MYOF: variants seen among roughly 807,000 people sequenced by gnomAD.
MYOF encodes the protein myoferlin.
In MYOF, 244 loss-of-function variants were observed where a neutral mutation model predicts 284.2. The observed-to-expected ratio is 0.86, with a 90% CI of 0.77 to 0.95. MYOF has a LOEUF of 0.95. MYOF is among the 40% of genes least tolerant of loss of function. The probability of loss-of-function intolerance (pLI) is 0.00; values close to 1 mark genes in which losing one functional copy is unlikely to be tolerated. For missense variants in MYOF, 2,496 were observed against 2,560.6 expected (o/e 0.97, Z 0.54); for synonymous variants, 904 against 919.7 (o/e 0.98, Z 0.31).
At chr10:93,334,313 T>C (rs1843495477) in intron 41 of MYOF, among the ~76,000 whole-genome samples, 1 of 151,438 alleles carries the variant, frequency 6.6e-6, no homozygotes, top group South Asian at 2.1e-4. Flanking sequence ...CACCTCCCAC[T>C]CCCAGGCAAA....
At chr10:93,458,259 G>T (rs1327841550) in intron 1 of MYOF, among the ~76,000 whole-genome samples, 1 of 151,940 alleles carries the variant, frequency 6.6e-6, no homozygotes, top group African/African-American at 2.4e-5. Flanking sequence ...AGGCTGAGGT[G>T]GGAGGATCCC....
chr10:93,346,623 A>G (rs1844194831), intron 37 of MYOF, among the ~76,000 whole-genome samples: 1 of 152,254 alleles, frequency 6.6e-6, no homozygotes, highest in Non-Finnish European at 1.5e-5. Flanking sequence ...TCTATCATTT[A>G]CATATTAATT....
At chr10:93,405,862 A>G (rs1847539356) in intron 7 of MYOF, among the ~76,000 whole-genome samples, 1 of 144,532 alleles carries the variant, frequency 6.9e-6, no homozygotes, top group African/African-American at 2.6e-5. Context: ...CAGTGGCACG[A>G]TCTTGGCTCA....
intron 50 of MYOF, among the ~76,000 whole-genome samples, chr10:93,314,876 C>A (rs767421390): frequency 0.023 from 3,508 of 152,170 alleles, 60 homozygotes; most frequent in Non-Finnish European, 0.037. Flanking sequence ...TGGCAAAACC[C>A]TGTCTCTACA....
intron 27 of MYOF, among the ~76,000 whole-genome samples, chr10:93,363,151 A>G (rs547118388): frequency 6.6e-6 from 1 of 152,248 alleles, no homozygotes; most frequent in Non-Finnish European, 1.5e-5. Context: ...AAAATGTCCA[A>G]GATATATTGT....
At chr10:93,378,693 G>GCATATATATATA in intron 21 of MYOF, among the ~76,000 whole-genome samples, 1 of 87,894 alleles carries the variant, frequency 1.1e-5, no homozygotes, top group South Asian at 5.6e-4. Flanking sequence ...GTGTGTGTGT[G>GCATATATATATA]TATATATATA....
At chr10:93,418,972 T>A (rs572512696) in intron 5 of MYOF, among the ~76,000 whole-genome samples, 96 of 152,326 alleles carry the variant, frequency 6.3e-4, no homozygotes, top group African/African-American at 2.3e-3. Context: ...ATTTTCCAGT[T>A]AGGCTCTGAC....
At chr10:93,366,659 A>G in intron 25 of MYOF, 104 bp from the exon 26 acceptor site, 7 of 979,242 alleles carry the variant, frequency 7.1e-6, no homozygotes, top group Non-Finnish European at 8.9e-6. Flanking sequence ...AGACAACTAC[A>G]GAAAGCAGAA....
At chr10:93,405,075 T>A (rs1481330044) in intron 7 of MYOF, among the ~76,000 whole-genome samples, 1 of 152,136 alleles carries the variant, frequency 6.6e-6, no homozygotes, top group Non-Finnish European at 1.5e-5. Flanking sequence ...ATACCACCTT[T>A]CACCTATGTT....
chr10:93,448,733 G>A (rs558313424), intron 3 of MYOF, among the ~76,000 whole-genome samples: 2 of 152,172 alleles, frequency 1.3e-5, no homozygotes, highest in Admixed American at 1.3e-4. Context: ...AGTGGCTCAC[G>A]CCTGTAATCC....
chr10:93,376,121 A>G (rs894911325), intron 22 of MYOF, among the ~76,000 whole-genome samples: 1 of 152,260 alleles, frequency 6.6e-6, no homozygotes, highest in Non-Finnish European at 1.5e-5. Context: ...AAAACAGCTC[A>G]TATCAGAAGT....
chr10:93,400,329 C>CTTCT (rs1554854268), intron 12 of MYOF, among the ~76,000 whole-genome samples: 2 of 98,718 alleles, frequency 2.0e-5, no homozygotes, highest in Non-Finnish European at 4.4e-5. Context: ...TCTTCTTCTT[C>CTTCT]TTTTTTTTTT....
At chr10:93,307,055 C>A in intron 53 of MYOF, 54 bp from the exon 54 acceptor site, 1 of 1,485,918 alleles carries the variant, frequency 6.7e-7, no homozygotes, top group South Asian at 1.2e-5. Flanking sequence ...ATATGTTTTT[C>A]AGTTAGGGTT....
intron 49 of MYOF, among the ~76,000 whole-genome samples, chr10:93,317,088 G>A (rs1842644597): frequency 6.7e-6 from 1 of 149,742 alleles, no homozygotes; most frequent in Non-Finnish European, 1.5e-5. Flanking sequence ...GGGGGTTGGA[G>A]AGTGACTCAT....
At chr10:93,459,919 G>T (rs192676857) in intron 1 of MYOF, among the ~76,000 whole-genome samples, 141 of 151,386 alleles carry the variant, frequency 9.3e-4, no homozygotes, top group Non-Finnish European at 1.5e-3. Flanking sequence ...ACCGGGGCTT[G>T]GGGGGGTGGA....
At chr10:93,479,083 A>G (rs1355207461) in intron 1 of MYOF, among the ~76,000 whole-genome samples, 4 of 151,228 alleles carry the variant, frequency 2.6e-5, no homozygotes, top group Non-Finnish European at 4.4e-5. Flanking sequence ...AAATGTTTAC[A>G]TATTTCTGTT....
rs1316161472 is a variant in MYOF, at chr10:93,482,283, T to G, written c.-89A>C. ...GGGTCGCACCGCCCTGGGAGAGAAGTTCTCTCCCAGTGAAGGGAGGATTTC... is the reference window on the plus strand; with the variant it reads ...GGGTCGCACCGCCCTGGGAGAGAAGGTCTCTCCCAGTGAAGGGAGGATTTC... On this transcript the variant is annotated 5_prime_UTR_variant, in exon 1 of 54. Transcript: ENST00000359263. The G allele has an allele frequency of 9.0e-7, 1 of 1,115,672 alleles. No individual in the cohort carries two copies. The highest frequency in any genetic ancestry group is 1.3e-6 in the Non-Finnish European group (1 of 753,076). 69.1% of individuals were successfully genotyped at this position (1,115,672 alleles called of 1,614,324 possible). A position where few individuals can be genotyped will look rare whatever the true frequency, so the allele number is the denominator to read the frequency against.
Position 93,337,898 on chromosome 10 carries a change from C to G in MYOF, c.4354G>C (p.Asp1452His), listed in dbSNP as rs371855611. The part of the protein sequence containing the change: ...KLTEKEEEIV[D>H]WWSKFYASSG... Reference sequence around the variant, plus strand: ...GAAGCATAAAATTTACTCCACCAGTCCACGATTTCTTCCTCCTAAAGACAT... The same window carrying G: ...GAAGCATAAAATTTACTCCACCAGTGCACGATTTCTTCCTCCTAAAGACAT... Residue 1452 changes from aspartate to histidine, a missense_variant, in exon 40 of 54, where the codon GAC (aspartate) becomes CAC (histidine). By Grantham distance (81) the Asp-to-His change is moderately conservative. Coordinates refer to ENST00000359263, the MANE Select transcript of MYOF (RefSeq NM_013451.4). 2.5e-6 allele frequency: 4 copies of G among 1,613,770 alleles called. No homozygotes were observed. In the African/African-American group the frequency reaches 5.3e-5, roughly 22 times the overall value.
chr10:93,407,076 G>A (rs766180871), intron 7 of MYOF, among the ~76,000 whole-genome samples: 1 of 152,072 alleles, frequency 6.6e-6, no homozygotes, highest in Non-Finnish European at 1.5e-5. Context: ...TGATTGTCAA[G>A]GTATCATGTA....
Sources: allele counts gnomAD v4.1 joint callset (sites outside exome capture counted in the v4.1 genomes callset), GRCh38; gene constraint gnomAD v4.1.1; transcripts MANE v1.5; gene names NCBI Gene and HGNC (gene_info 2026-07-23, HGNC 2026-07-21).